Variants in HLCS observed in about 807,000 individuals in gnomAD.
HLCS encodes the protein holocarboxylase synthetase, also known as biotin--protein ligase.
In HLCS, 53 loss-of-function variants were observed where a neutral mutation model predicts 75.0. That is an observed-to-expected ratio of 0.71 (90% confidence interval 0.57 to 0.89). The LOEUF is 0.89. Ranked by LOEUF, HLCS falls within the 40% of genes least tolerant of loss-of-function variation. The pLI, the probability that HLCS is intolerant of heterozygous loss-of-function variation, is 0.00. For missense variants in HLCS, 966 were observed against 1,074.0 expected, an observed-to-expected ratio of 0.90 and a Z score of 1.41; for synonymous variants, 431 against 428.6, an observed-to-expected ratio of 1.01 and a Z score of -0.07.
chr21:36,916,786 A>C (rs1330255232), intron 5 of HLCS, among the ~76,000 whole-genome samples: 1 of 152,188 alleles, frequency 6.6e-6, no homozygotes, highest in African/African-American at 2.4e-5. Context: ...ATACACAGCC[A>C]TACGGAACCA....
At chr21:36,900,677 A>T (rs887402597) in intron 5 of HLCS, among the ~76,000 whole-genome samples, 1 of 152,112 alleles carries the variant, frequency 6.6e-6, no homozygotes, top group African/African-American at 2.4e-5. Context: ...ACTAGTTATA[A>T]AGTCACCTAA....
chr21:36,823,610 G>GGTTGTGTGTGTGTGTGT (rs1555901720), intron 6 of HLCS, among the ~76,000 whole-genome samples: 1 of 132,726 alleles, frequency 7.5e-6, no homozygotes, highest in African/African-American at 2.8e-5. Flanking sequence ...AAACGTGCAG[G>GGTTGTGTGTGTGTGTGT]GTGTGTGTGT....
chr21:36,964,591 A>G (rs536632948), intron 1 of HLCS, among the ~76,000 whole-genome samples: 1 of 152,342 alleles, frequency 6.6e-6, no homozygotes, highest in Non-Finnish European at 1.5e-5. Context: ...TGACGCAGCA[A>G]TATCTAACCA....
At chr21:36,984,108 G>A (rs2146745991) in intron 1 of HLCS, among the ~76,000 whole-genome samples, 1 of 152,120 alleles carries the variant, frequency 6.6e-6, no homozygotes, top group South Asian at 2.1e-4. Context: ...CAAAGCCCTA[G>A]AATCATATAC....
chr21:36,891,747 T>A (rs552936207), intron 6 of HLCS, among the ~76,000 whole-genome samples: 1 of 152,158 alleles, frequency 6.6e-6, no homozygotes, highest in Non-Finnish European at 1.5e-5. Context: ...TAAAGCTAAC[T>A]AGTCTCAAGA....
intron 8 of HLCS, among the ~76,000 whole-genome samples, chr21:36,760,042 A>G (rs1316697326): frequency 6.6e-6 from 1 of 152,202 alleles, no homozygotes; most frequent in African/African-American, 2.4e-5. Context: ...CCTGAAGAAC[A>G]CAGTTGACAT....
chr21:36,953,752 A>C (rs1483242895), intron 2 of HLCS, among the ~76,000 whole-genome samples: 2 of 152,142 alleles, frequency 1.3e-5, no homozygotes, highest in Non-Finnish European at 2.9e-5. Context: ...TTTAAGTTGA[A>C]ATCTTACTAA....
intron 6 of HLCS, among the ~76,000 whole-genome samples, chr21:36,854,399 A>T (rs1316936301): frequency 9.9e-5 from 15 of 152,196 alleles, no homozygotes; most frequent in Admixed American, 9.8e-4. Context: ...GGACGCTTAG[A>T]GTGATGCTCA....
Position 36,962,174 on chromosome 21 carries a change from T to A in HLCS, c.196-4A>T. The A allele has an allele frequency of 7.8e-7, 1 of 1,285,212 alleles. No homozygotes were observed. The highest frequency in any genetic ancestry group is 2.1e-4 in the Middle Eastern group (1 of 4,680). The allele number at this position is 1,285,212 out of a possible 1,614,324, so 79.6% of individuals were successfully genotyped here. A position where few individuals can be genotyped will look rare whatever the true frequency, so the allele number is the denominator to read the frequency against. On this transcript the variant is annotated splice_polypyrimidine_tract_variant and splice_region_variant and intron_variant, in intron 1 of 10. Coordinates refer to ENST00000674895, the MANE Select transcript of HLCS (RefSeq NM_001352514.2). ...ACTTGTTCAAGTCTTCAATGGACTGTATAGAGGGAAAGAAATATAATGAGA... is the reference window on the plus strand; with the variant it reads ...ACTTGTTCAAGTCTTCAATGGACTGAATAGAGGGAAAGAAATATAATGAGA...
chr21:36,749,702 T>C lies in HLCS; in HGVS notation c.*4544A>G, dbSNP rs1339441903. 1.3e-5 allele frequency: 2 copies of C among 152,200 alleles called. No individual in the cohort carries two copies. Among genetic ancestry groups the C allele is most frequent in the Non-Finnish European group, 2.9e-5 (2 of 68,048 alleles). The allele number at this position is 152,200 out of a possible 1,614,324, so 9.4% of individuals were successfully genotyped here. On this transcript the variant is annotated 3_prime_UTR_variant, in exon 11 of 11. Coordinates refer to ENST00000674895, the MANE Select transcript of HLCS (RefSeq NM_001352514.2). ...CGAGGGTATTATTTTTTTATGTTCA[T>C]GAGTCTTGTAATTAAACCGTGATTC... is the stretch of plus-strand genomic sequence containing the variant.
intron 5 of HLCS, among the ~76,000 whole-genome samples, chr21:36,909,678 G>A (rs573591925): frequency 1.3e-4 from 20 of 152,244 alleles, no homozygotes; most frequent in African/African-American, 4.6e-4. Context: ...CTGTAACCTT[G>A]AACTCCTGGG....
At chr21:36,937,576 T>C (rs980177653) in intron 3 of HLCS, among the ~76,000 whole-genome samples, 184 bp from the exon 4 acceptor site, 1 of 152,172 alleles carries the variant, frequency 6.6e-6, no homozygotes, top group South Asian at 2.1e-4. Context: ...ACACTAATTG[T>C]TCCCACCTGA....
At chr21:36,905,383 A>G (rs889326560) in intron 5 of HLCS, among the ~76,000 whole-genome samples, 1 of 152,228 alleles carries the variant, frequency 6.6e-6, no homozygotes, top group African/African-American at 2.4e-5. Context: ...AATAATGCAC[A>G]GTCTTTGAAA....
At chr21:36,930,213 G>T in intron 5 of HLCS, 38 bp downstream of exon 5, 1 of 1,586,912 alleles carries the variant, frequency 6.3e-7, no homozygotes, top group South Asian at 1.1e-5. Flanking sequence ...AGAGGGCCAC[G>T]TCACAGCGCG....
At chr21:36,820,206 A>G (rs1486024561) in intron 6 of HLCS, among the ~76,000 whole-genome samples, 1 of 139,696 alleles carries the variant, frequency 7.2e-6, no homozygotes, top group Non-Finnish European at 1.6e-5. Context: ...GGGGGCAGGT[A>G]GTGATAGTGA....
intron 6 of HLCS, among the ~76,000 whole-genome samples, chr21:36,792,269 G>C (rs2060890063): frequency 6.6e-6 from 1 of 152,096 alleles, no homozygotes; most frequent in South Asian, 2.1e-4. Flanking sequence ...CTGTCACACA[G>C]CAGGAGAATG....
At chr21:36,801,944 T>A (rs560972513) in intron 6 of HLCS, among the ~76,000 whole-genome samples, 8 of 152,310 alleles carry the variant, frequency 5.3e-5, no homozygotes, top group Admixed American at 2.0e-4. Flanking sequence ...TTGATCTTAT[T>A]TTCATTTGCA....
intron 6 of HLCS, among the ~76,000 whole-genome samples, chr21:36,845,416 T>C (rs7281419): frequency 0.022 from 3,337 of 152,230 alleles, 110 homozygotes; most frequent in African/African-American, 0.076. Flanking sequence ...ATTTGCTGCT[T>C]CTACCCTAGG....
At chr21:36,863,991 G>C (rs1487710103) in intron 6 of HLCS, among the ~76,000 whole-genome samples, 1 of 152,196 alleles carries the variant, frequency 6.6e-6, no homozygotes, top group Non-Finnish European at 1.5e-5. Flanking sequence ...TGCAAAGGAT[G>C]CAATTTCTGG....
Sources: gnomAD v4.1 joint callset for allele counts (sites outside exome capture counted in the v4.1 genomes callset) on GRCh38, gnomAD v4.1.1 for gene constraint, MANE v1.5 for transcripts, NCBI Gene and HGNC (gene_info 2026-07-23, HGNC 2026-07-21) for gene names.